Variants in DCLK1 observed in about 807,000 individuals in gnomAD.
DCLK1 encodes serine/threonine-protein kinase DCLK1.
In DCLK1, 16 loss-of-function variants were observed where a neutral mutation model predicts 86.2. That is an observed-to-expected ratio of 0.19 (90% confidence interval 0.13 to 0.28). DCLK1 has a LOEUF of 0.28. Among genes scored for constraint, DCLK1 ranks in the 10% least tolerant of loss-of-function variants. The pLI is 1.00. For missense variants in DCLK1, 590 were observed against 940.2 expected (o/e 0.63, Z 4.87); for synonymous variants, 369 against 370.5 (o/e 1.00, Z 0.05).
Position 35,861,555 on chromosome 13 carries a change from T to G in DCLK1, c.941-6962A>C, listed in dbSNP as rs552706458. On this transcript the variant is annotated intron_variant, in intron 5 of 16. Transcript: ENST00000360631. ...CCATCTGGTATTGCCCATTCCTTCATAGGCCACAGTGGTGTCCTCACTGCT... is the reference window on the plus strand; with the variant it reads ...CCATCTGGTATTGCCCATTCCTTCAGAGGCCACAGTGGTGTCCTCACTGCT... Among the ~76,000 whole-genome samples the G allele has an allele frequency of 2.6e-5, 4 of 152,332 alleles. No homozygotes were observed. The South Asian group carries it at 8.3e-4, about 32-fold the overall frequency.
intron 5 of DCLK1, chr13:35,855,703 G>A: frequency 4.3e-6 from 6 of 1,389,106 alleles, no homozygotes; most frequent in Non-Finnish European, 5.7e-6. Flanking sequence ...TCTGCGTAAA[G>A]CTGACGTCTC....
rs1566679176 is a variant in DCLK1 at position 36,095,178 on chromosome 13, T to TTG, written c.723+16690_723+16691insCA. On this transcript the variant is annotated intron_variant, in intron 3 of 16. Transcript: ENST00000360631. Reference sequence around the variant, plus strand: ...CTCTCTATCTCTCTCTCTTTGTTTTTTTTTTTTGTTTTTTTTGTTTTGTTT... The same window carrying TTG: ...CTCTCTATCTCTCTCTCTTTGTTTTTTGTTTTTTTGTTTTTTTTGTTTTGTTT... Among the ~76,000 whole-genome samples, 13 of 133,120 alleles carry TTG rather than the reference T, an allele frequency of 9.8e-5. No individual in the cohort carries two copies. In the South Asian group the frequency reaches 3.8e-3, roughly 39 times the overall value. The allele number at this position is 133,120 out of a possible 152,430, so 87.3% of individuals were successfully genotyped here.
intron 3 of DCLK1, among the ~76,000 whole-genome samples, chr13:35,962,496 A>G (rs905470618): frequency 6.6e-6 from 1 of 152,158 alleles, no homozygotes; most frequent in Non-Finnish European, 1.5e-5. Context: ...CCCTGCTGAT[A>G]CCTTTATCTT....
intron 3 of DCLK1, among the ~76,000 whole-genome samples, chr13:36,057,348 A>G (rs76939637): frequency 2.4e-4 from 37 of 152,224 alleles, no homozygotes; most frequent in Admixed American, 7.2e-4. Flanking sequence ...TCTTTAAAAA[A>G]CCTGAAGGTA....
chr13:35,908,643 C>A (rs548313744), intron 4 of DCLK1, among the ~76,000 whole-genome samples: 2 of 152,186 alleles, frequency 1.3e-5, no homozygotes, highest in Non-Finnish European at 2.9e-5. Context: ...GTTTGTCATA[C>A]AACTTTGTCC....
chr13:36,002,710 T>C (rs1880773074), intron 3 of DCLK1, among the ~76,000 whole-genome samples: 1 of 152,240 alleles, frequency 6.6e-6, no homozygotes, highest in African/African-American at 2.4e-5. Context: ...TGTACACATG[T>C]ATGTGTGTGA....
At chr13:35,805,913 T>G in intron 14 of DCLK1, 134 bp from the exon 15 acceptor site, 1 of 619,584 alleles carries the variant, frequency 1.6e-6, no homozygotes, top group East Asian at 3.1e-5. Context: ...TCAACTCCAC[T>G]TACCTGTGGC....
intron 3 of DCLK1, among the ~76,000 whole-genome samples, chr13:36,062,611 T>C (rs1350736173): frequency 2.6e-5 from 4 of 152,136 alleles, no homozygotes. Flanking sequence ...TTGTGAGAAT[T>C]AGAGATAATT....
intron 13 of DCLK1, 102 bp from the exon 14 acceptor site, chr13:35,808,422 ATG>A (rs1291125976): frequency 1.1e-6 from 1 of 877,394 alleles, no homozygotes; most frequent in East Asian, 2.4e-5. Flanking sequence ...CCCCCCATAA[ATG>A]TGTAAAAATG....
At chr13:36,125,561 A>G (rs1025601908) in intron 2 of DCLK1, among the ~76,000 whole-genome samples, 3 of 152,226 alleles carry the variant, frequency 2.0e-5, no homozygotes, top group African/African-American at 7.2e-5. Flanking sequence ...TTAGCACATT[A>G]TTATAAGCTA....
chr13:35,882,281 G>A (rs1349766789), intron 4 of DCLK1, among the ~76,000 whole-genome samples: 1 of 152,136 alleles, frequency 6.6e-6, no homozygotes, highest in East Asian at 1.9e-4. Flanking sequence ...TTTCTTAGGT[G>A]GACATTTGTG....
At chr13:35,905,319 C>T (rs9574869) in intron 4 of DCLK1, among the ~76,000 whole-genome samples, 91,349 of 152,064 alleles carry the variant, frequency 0.6, 30,168 homozygotes, top group Non-Finnish European at 0.74. Flanking sequence ...TCTTCTGGCA[C>T]AGTGTAGAGG....
intron 3 of DCLK1, among the ~76,000 whole-genome samples, chr13:35,948,081 T>C (rs1403381244): frequency 1.3e-5 from 2 of 152,252 alleles, no homozygotes; most frequent in Admixed American, 6.5e-5. Context: ...CTTCTTGCCA[T>C]GCAAAAGGCA....
chr13:35,845,543 C>A (rs540082589), intron 6 of DCLK1, among the ~76,000 whole-genome samples: 79 of 152,232 alleles, frequency 5.2e-4, no homozygotes, highest in Admixed American at 4.1e-3. Context: ...CCTAGGACAC[C>A]ATTAGTGGTT....
At chr13:36,034,894 G>A (rs1399638149) in intron 3 of DCLK1, among the ~76,000 whole-genome samples, 5 of 152,188 alleles carry the variant, frequency 3.3e-5, no homozygotes, top group Non-Finnish European at 5.9e-5. Flanking sequence ...GAAAGTTCAG[G>A]AAGGGAGCTC....
At chr13:36,049,007 A>G (rs1013426554) in intron 3 of DCLK1, among the ~76,000 whole-genome samples, 3 of 152,092 alleles carry the variant, frequency 2.0e-5, no homozygotes, top group African/African-American at 7.2e-5. Flanking sequence ...GATTTACCTT[A>G]TCTCCTCATC....
intron 8 of DCLK1, among the ~76,000 whole-genome samples, chr13:35,828,927 GT>G (rs1593635900): frequency 6.6e-6 from 1 of 152,286 alleles, no homozygotes; most frequent in East Asian, 1.9e-4. Context: ...TCAGTTCAGT[GT>G]GAGAGCCTGT....
intron 15 of DCLK1, among the ~76,000 whole-genome samples, chr13:35,797,062 C>A (rs956555185): frequency 3.3e-5 from 5 of 152,134 alleles, no homozygotes; most frequent in African/African-American, 9.7e-5. Flanking sequence ...AGGGCCGGGA[C>A]TCTAGGATCC....
intron 6 of DCLK1, chr13:35,850,856 T>G: frequency 1.6e-6 from 2 of 1,223,198 alleles, no homozygotes; most frequent in Middle Eastern, 2.1e-4. Flanking sequence ...CAGCACTGAA[T>G]GGGCATCCCC....
Sources: allele counts gnomAD v4.1 joint callset (sites outside exome capture counted in the v4.1 genomes callset), GRCh38; gene constraint gnomAD v4.1.1; transcripts MANE v1.5; gene names NCBI Gene and HGNC (gene_info 2026-07-23, HGNC 2026-07-21).